The following TOX variants were observed in gnomAD, a reference collection of about 807,000 sequenced individuals.
TOX encodes thymocyte selection associated high mobility group box, also known as thymocyte selection-associated high mobility group box protein TOX.
Under a neutral mutation model 53.7 loss-of-function variants are expected in TOX, and 11 were observed. That is an observed-to-expected ratio of 0.20 (90% CI 0.13 to 0.34). TOX has a LOEUF of 0.34. Ranked by LOEUF, TOX falls within the 10% of genes least tolerant of loss-of-function variation. The probability of loss-of-function intolerance (pLI) is 1.00; values close to 1 mark genes in which losing one functional copy is unlikely to be tolerated. For missense variants in TOX, 570 were observed against 664.6 expected (o/e 0.86, Z 1.56); for synonymous variants, 225 against 245.3 (o/e 0.92, Z 0.77).
At chr8:58,872,605 CT>C (rs1478452070) in intron 3 of TOX, among the ~76,000 whole-genome samples, 2 of 152,122 alleles carry the variant, frequency 1.3e-5, no homozygotes, top group African/African-American at 4.8e-5. Context: ...CACTTTACCT[CT>C]ATCATTTTCC....
chr8:58,944,425 A>C (rs1812492952), intron 2 of TOX, among the ~76,000 whole-genome samples: 1 of 152,186 alleles, frequency 6.6e-6, no homozygotes, highest in African/African-American at 2.4e-5. Flanking sequence ...AAAACCTTAA[A>C]ATTTGGTAAT....
chr8:58,980,615 C>A (rs941763775), intron 1 of TOX, among the ~76,000 whole-genome samples: 19 of 152,090 alleles, frequency 1.2e-4, no homozygotes, highest in African/African-American at 4.6e-4. Context: ...TGTTACCACC[C>A]TCATGTTCCA....
chr8:58,934,920 T>A (rs575372874), intron 3 of TOX, among the ~76,000 whole-genome samples: 1 of 152,332 alleles, frequency 6.6e-6, no homozygotes, highest in Non-Finnish European at 1.5e-5. Context: ...CTGGAGTAAT[T>A]ACTGACTAAG....
chr8:58,838,789 C>T (rs921315047), intron 4 of TOX, among the ~76,000 whole-genome samples: 2 of 145,314 alleles, frequency 1.4e-5, no homozygotes, highest in Non-Finnish European at 3.0e-5. Context: ...GCAACCTCTG[C>T]CTCCCGAGTT....
chr8:58,812,454 C>T (rs1810100241), intron 7 of TOX, among the ~76,000 whole-genome samples: 1 of 152,152 alleles, frequency 6.6e-6, no homozygotes, highest in African/African-American at 2.4e-5. Flanking sequence ...TTCCTGGCTG[C>T]TGCTGTCTGT....
intron 3 of TOX, among the ~76,000 whole-genome samples, chr8:58,920,749 G>GT (rs1812057247): frequency 9.0e-6 from 1 of 110,864 alleles, no homozygotes; most frequent in Non-Finnish European, 1.8e-5. Flanking sequence ...AAAAAAAGAA[G>GT]AAAAAAAAAA....
intron 1 of TOX, among the ~76,000 whole-genome samples, chr8:59,056,005 G>C (rs937544095): frequency 1.3e-5 from 2 of 152,130 alleles, no homozygotes; most frequent in African/African-American, 4.8e-5. Context: ...GTAACATTAT[G>C]AGACTGCTCA....
chr8:58,880,215 A>G (rs1177170201), intron 3 of TOX, among the ~76,000 whole-genome samples: 1 of 152,158 alleles, frequency 6.6e-6, no homozygotes, highest in Non-Finnish European at 1.5e-5. Context: ...CCTGGATGTC[A>G]GTGCTCTGGG....
At chr8:58,935,466 C>T (rs1812328990) in intron 3 of TOX, among the ~76,000 whole-genome samples, 1 of 152,114 alleles carries the variant, frequency 6.6e-6, no homozygotes, top group South Asian at 2.1e-4. Context: ...TAAATTTTCC[C>T]AGGATGGCTT....
chr8:58,894,556 C>A (rs182445566), intron 3 of TOX, among the ~76,000 whole-genome samples: 17 of 152,230 alleles, frequency 1.1e-4, no homozygotes, highest in African/African-American at 3.9e-4. Flanking sequence ...GTTTGCTATT[C>A]AGTTGTCTTT....
chr8:59,014,214 T>C (rs75309853), intron 1 of TOX, among the ~76,000 whole-genome samples: 2,915 of 152,340 alleles, frequency 0.019, 99 homozygotes, highest in African/African-American at 0.066. Context: ...TATGCTATTA[T>C]CCTGTGGGGT....
chr8:58,931,807 A>G (rs985261529), intron 3 of TOX, among the ~76,000 whole-genome samples: 2 of 152,154 alleles, frequency 1.3e-5, no homozygotes, highest in African/African-American at 4.8e-5. Context: ...TGCATGGGTG[A>G]GGCACACATT....
intron 3 of TOX, among the ~76,000 whole-genome samples, chr8:58,905,090 G>A (rs1241563114): frequency 6.6e-6 from 1 of 152,078 alleles, no homozygotes. Context: ...GCGCCACCAC[G>A]CCCAGCTAAT....
At chr8:59,099,397 A>G (rs935575030) in intron 1 of TOX, among the ~76,000 whole-genome samples, 1 of 152,216 alleles carries the variant, frequency 6.6e-6, no homozygotes, top group African/African-American at 2.4e-5. Flanking sequence ...TGCTATCACT[A>G]ATCATCAGCA....
At position 58,913,857 on chromosome 8, in the gene TOX, A is replaced by G. The variant is rs1335508015; in HGVS notation, c.411+25445T>C. The stretch of plus-strand genomic sequence containing the variant: ...TTGGATTTATTTACATTAAAATTCA[A>G]AAATCACTGAGTTTTGCTCAAAGTT... On this transcript the variant is annotated intron_variant, in intron 3 of 8. Coordinates refer to ENST00000361421, the MANE Select transcript of TOX (RefSeq NM_014729.3). 2.6e-5 allele frequency among the ~76,000 whole-genome samples: 4 copies of G among 152,198 alleles called. No homozygotes were observed. In the East Asian group the frequency reaches 7.7e-4, roughly 29 times the overall value.
chr8:58,951,779 C>T (rs1187996918), intron 2 of TOX, among the ~76,000 whole-genome samples: 2 of 152,192 alleles, frequency 1.3e-5, no homozygotes, highest in Admixed American at 6.5e-5. Flanking sequence ...TTTGAATAAT[C>T]TGATGCTGGG....
At chr8:58,972,459 A>G (rs1813017701) in intron 1 of TOX, among the ~76,000 whole-genome samples, 1 of 152,214 alleles carries the variant, frequency 6.6e-6, no homozygotes, top group African/African-American at 2.4e-5. Flanking sequence ...TAAAAGAAAG[A>G]TATCAGACAG....
At chr8:58,824,053 C>T (rs768754572) in intron 6 of TOX, among the ~76,000 whole-genome samples, 1 of 152,034 alleles carries the variant, frequency 6.6e-6, no homozygotes, top group Non-Finnish European at 1.5e-5. Context: ...AATGTCAATG[C>T]TGAATGTCAA....
Position 58,975,724 on chromosome 8 carries a change from T to A in TOX, c.103-15716A>T, listed in dbSNP as rs528785450. ...GTCTTGCCTTACTGTTGATGACTGCTGACTGATCAGGGGTGGTGGCTGCTG... is the reference window on the plus strand; with the variant it reads ...GTCTTGCCTTACTGTTGATGACTGCAGACTGATCAGGGGTGGTGGCTGCTG... On this transcript the variant is annotated intron_variant, in intron 1 of 8. Coordinates refer to ENST00000361421, the MANE Select transcript of TOX (RefSeq NM_014729.3). Among the ~76,000 whole-genome samples the A allele has an allele frequency of 3.3e-5, 5 of 152,272 alleles. No individual in the cohort carries two copies. The East Asian group carries it at 9.6e-4, about 29-fold the overall frequency.
Sources: allele counts gnomAD v4.1 joint callset (sites outside exome capture counted in the v4.1 genomes callset), GRCh38; gene constraint gnomAD v4.1.1; transcripts MANE v1.5; gene names NCBI Gene and HGNC (gene_info 2026-07-23, HGNC 2026-07-21).